Variants in TNIK observed in about 807,000 individuals in gnomAD.
TNIK encodes the protein TRAF2 and NCK interacting kinase, also known as TRAF2 and NCK-interacting protein kinase.
A neutral mutation model predicts 191.3 loss-of-function variants in TNIK; 49 were observed. That is an observed-to-expected ratio of 0.26 (90% CI 0.20 to 0.32). The LOEUF (loss-of-function observed/expected upper bound fraction) is 0.32. TNIK is among the 10% of genes least tolerant of loss of function. The probability of loss-of-function intolerance (pLI) is 1.00; values close to 1 mark genes in which losing one functional copy is unlikely to be tolerated. For synonymous variants in TNIK, 594 were observed against 600.9 expected (o/e 0.99, Z 0.17); for missense variants, 1,155 against 1,702.3 (o/e 0.68, Z 5.66).
intron 1 of TNIK, among the ~76,000 whole-genome samples, chr3:171,413,407 A>G (rs1267896581): frequency 2.0e-5 from 3 of 152,056 alleles, no homozygotes. Flanking sequence ...CTCATCAGGA[A>G]CTCTTCTATA....
chr3:171,447,954 C>T (rs112015364), intron 1 of TNIK, among the ~76,000 whole-genome samples: 9,175 of 152,046 alleles, frequency 0.06, 530 homozygotes, highest in African/African-American at 0.15. Flanking sequence ...TTTTATTACA[C>T]GTTAAATTTT....
At chr3:171,411,890 G>C (rs1722475028) in intron 1 of TNIK, among the ~76,000 whole-genome samples, 1 of 152,168 alleles carries the variant, frequency 6.6e-6, no homozygotes, top group South Asian at 2.1e-4. Context: ...CACAAAGGAT[G>C]GGGCGAGAAG....
At chr3:171,320,118 A>C (rs1379445285) in intron 2 of TNIK, among the ~76,000 whole-genome samples, 1 of 152,152 alleles carries the variant, frequency 6.6e-6, no homozygotes, top group Non-Finnish European at 1.5e-5. Flanking sequence ...CTTATAATTG[A>C]TCAAGCCAGA....
At chr3:171,455,028 T>C (rs1728631576) in intron 1 of TNIK, among the ~76,000 whole-genome samples, 1 of 152,182 alleles carries the variant, frequency 6.6e-6, no homozygotes, top group Non-Finnish European at 1.5e-5. Flanking sequence ...TTGATACTAG[T>C]TTAGAAATAT....
chr3:171,191,810 T>G (rs985168830), intron 5 of TNIK, among the ~76,000 whole-genome samples: 3 of 152,242 alleles, frequency 2.0e-5, no homozygotes, highest in African/African-American at 7.2e-5. Context: ...TGGTGTGAAT[T>G]CTTTAACCTA....
intron 2 of TNIK, among the ~76,000 whole-genome samples, chr3:171,244,545 A>G (rs940415080): frequency 2.0e-5 from 3 of 152,054 alleles, no homozygotes; most frequent in Non-Finnish European, 2.9e-5. Context: ...GCTGCATTCC[A>G]ATTTATTTTG....
At chr3:171,071,163 A>C in intron 29 of TNIK, 60 bp downstream of exon 29, 1 of 1,349,550 alleles carries the variant, frequency 7.4e-7, no homozygotes, top group South Asian at 1.4e-5. Context: ...CTATTTTATT[A>C]ATGGGTAGAA....
chr3:171,364,434 G>T (rs1715416201), intron 2 of TNIK, among the ~76,000 whole-genome samples: 1 of 150,254 alleles, frequency 6.7e-6, no homozygotes, highest in African/African-American at 2.4e-5. Context: ...AAAGTACAAA[G>T]ATTAACATTT....
At chr3:171,195,796 A>T (rs1196633019) in intron 4 of TNIK, among the ~76,000 whole-genome samples, 1 of 152,174 alleles carries the variant, frequency 6.6e-6, no homozygotes, top group Non-Finnish European at 1.5e-5. Flanking sequence ...TTCAAGACCT[A>T]TAAGTGCTTA....
intron 2 of TNIK, among the ~76,000 whole-genome samples, chr3:171,294,656 G>A (rs888468502): frequency 2.0e-5 from 3 of 152,132 alleles, no homozygotes; most frequent in Non-Finnish European, 4.4e-5. Flanking sequence ...GGGAAACGGA[G>A]GTTGCAGTGA....
chr3:171,079,218 G>A (rs1237145131), intron 28 of TNIK, among the ~76,000 whole-genome samples: 1 of 151,990 alleles, frequency 6.6e-6, no homozygotes, highest in Non-Finnish European at 1.5e-5. Context: ...CTCTTCTCTT[G>A]GTCCCACTGT....
At chr3:171,168,873 G>A (rs1055417933) in intron 9 of TNIK, among the ~76,000 whole-genome samples, 3 of 152,202 alleles carry the variant, frequency 2.0e-5, no homozygotes, top group African/African-American at 7.2e-5. Flanking sequence ...GAGTGAATGC[G>A]TGATGAAGGT....
At chr3:171,260,912 C>T (rs189243276) in intron 2 of TNIK, among the ~76,000 whole-genome samples, 36 of 152,202 alleles carry the variant, frequency 2.4e-4, no homozygotes, top group African/African-American at 8.4e-4. Flanking sequence ...GGGTTATTAC[C>T]GAAATATTGC....
At chr3:171,131,405 G>A (rs1377865627) in intron 15 of TNIK, among the ~76,000 whole-genome samples, 1 of 136,122 alleles carries the variant, frequency 7.3e-6, no homozygotes, top group Non-Finnish European at 1.5e-5. Context: ...TAGGGTACTG[G>A]TTTTCACAGG....
At chr3:171,428,764 T>C (rs1188823366) in intron 1 of TNIK, among the ~76,000 whole-genome samples, 2 of 152,150 alleles carry the variant, frequency 1.3e-5, no homozygotes, top group Non-Finnish European at 2.9e-5. Context: ...TCAAATTCTC[T>C]CCATGGTGGG....
At chr3:171,313,417 C>T (rs909523528) in intron 2 of TNIK, among the ~76,000 whole-genome samples, 1 of 152,064 alleles carries the variant, frequency 6.6e-6, no homozygotes, top group African/African-American at 2.4e-5. Context: ...ATGGAGGCCT[C>T]ACAGAATGAG....
chr3:171,210,679 A>C (rs1325421959), intron 4 of TNIK, among the ~76,000 whole-genome samples: 1 of 152,232 alleles, frequency 6.6e-6, no homozygotes, highest in Non-Finnish European at 1.5e-5. Flanking sequence ...CCTGCTAGCT[A>C]TGTAGACTTT....
At chr3:171,350,279 G>GCTGGTAGCCAAGAACAAAC (rs1712925682) in intron 2 of TNIK, among the ~76,000 whole-genome samples, 1 of 152,114 alleles carries the variant, frequency 6.6e-6, no homozygotes, top group African/African-American at 2.4e-5. Flanking sequence ...CTGGAACAAA[G>GCTGGTAGCCAAGAACAAAC]CTGGTAGCCA....
At chr3:171,070,534 G>A (rs1485409353) in intron 29 of TNIK, among the ~76,000 whole-genome samples, 3 of 152,042 alleles carry the variant, frequency 2.0e-5, no homozygotes, top group Middle Eastern at 3.2e-3. Flanking sequence ...TAGGTTATGC[G>A]GCTCTGAACA....
Sources: gnomAD v4.1 joint callset for allele counts (sites outside exome capture counted in the v4.1 genomes callset) on GRCh38, gnomAD v4.1.1 for gene constraint, MANE v1.5 for transcripts, NCBI Gene and HGNC (gene_info 2026-07-23, HGNC 2026-07-21) for gene names.